SLIT2: variants seen among roughly 807,000 people sequenced by gnomAD.
The protein encoded by SLIT2 is slit homolog 2 protein.
In SLIT2, 41 loss-of-function variants were observed where a neutral mutation model predicts 185.7. The observed-to-expected ratio is 0.22, with a 90% CI of 0.17 to 0.29. The LOEUF (loss-of-function observed/expected upper bound fraction) is 0.29. Ranked by LOEUF, SLIT2 falls within the 10% of genes least tolerant of loss-of-function variation. The probability of loss-of-function intolerance (pLI) is 1.00; values close to 1 mark genes in which losing one functional copy is unlikely to be tolerated. For missense variants in SLIT2, 1,571 were observed against 1,909.0 expected, an observed-to-expected ratio of 0.82 and a Z score of 3.30; for synonymous variants, 693 against 680.2, an observed-to-expected ratio of 1.02 and a Z score of -0.29.
chr4:20,612,566 C>A (rs944100709), intron 34 of SLIT2, among the ~76,000 whole-genome samples: 1 of 152,016 alleles, frequency 6.6e-6, no homozygotes, highest in Non-Finnish European at 1.5e-5. Context: ...TGCTGTATGG[C>A]AAAGGCATGA....
At chr4:20,283,369 A>G (rs918393227) in intron 4 of SLIT2, among the ~76,000 whole-genome samples, 3 of 152,156 alleles carry the variant, frequency 2.0e-5, no homozygotes, top group African/African-American at 4.8e-5. Context: ...CTTTTATTTT[A>G]TGTACAATTT....
intron 33 of SLIT2, among the ~76,000 whole-genome samples, chr4:20,606,103 G>T (rs940242233): frequency 6.6e-6 from 1 of 152,234 alleles, no homozygotes; most frequent in South Asian, 2.1e-4. Flanking sequence ...ACATCCTCCA[G>T]TTTATCTCAT....
chr4:20,488,710 T>C, intron 7 of SLIT2, 109 bp from the exon 8 acceptor site: 1 of 720,952 alleles, frequency 1.4e-6, no homozygotes, highest in Non-Finnish European at 2.2e-6. Context: ...AATAATTATA[T>C]TGGAATCTGC....
chr4:20,505,775 A>G (rs1244589995), intron 9 of SLIT2, among the ~76,000 whole-genome samples: 2 of 151,998 alleles, frequency 1.3e-5, no homozygotes, highest in Admixed American at 6.6e-5. Context: ...ATATTTCACC[A>G]TTTTTTATTT....
intron 4 of SLIT2, among the ~76,000 whole-genome samples, chr4:20,343,247 A>G (rs770040275): frequency 6.6e-6 from 1 of 152,100 alleles, no homozygotes; most frequent in Non-Finnish European, 1.5e-5. Context: ...AGTCTCTGAT[A>G]TCTATCATTC....
At chr4:20,411,632 A>C (rs868014494) in intron 4 of SLIT2, among the ~76,000 whole-genome samples, 1 of 152,182 alleles carries the variant, frequency 6.6e-6, no homozygotes, top group East Asian at 1.9e-4. Flanking sequence ...TAGGTCACTT[A>C]CATATTAGTC....
intron 18 of SLIT2, among the ~76,000 whole-genome samples, chr4:20,537,390 T>C (rs1722394072): frequency 6.6e-6 from 1 of 152,144 alleles, no homozygotes; most frequent in South Asian, 2.1e-4. Context: ...GACCAAAATA[T>C]TGTTCTATGG....
chr4:20,537,659 GTTAGGT>G (rs1722416910), intron 18 of SLIT2, among the ~76,000 whole-genome samples: 1 of 152,054 alleles, frequency 6.6e-6, no homozygotes, highest in African/African-American at 2.4e-5. Context: ...CCTTAATCTA[GTTAGGT>G]TTCAACAAGC....
At chr4:20,421,721 A>C (rs1728186357) in intron 4 of SLIT2, among the ~76,000 whole-genome samples, 1 of 152,192 alleles carries the variant, frequency 6.6e-6, no homozygotes, top group Non-Finnish European at 1.5e-5. Flanking sequence ...GAGCAAGCTG[A>C]TAAGTCTTGC....
intron 4 of SLIT2, among the ~76,000 whole-genome samples, chr4:20,359,680 A>G (rs1174038917): frequency 6.6e-6 from 1 of 152,084 alleles, no homozygotes; most frequent in Non-Finnish European, 1.5e-5. Flanking sequence ...ATTTTGTTAT[A>G]CTTTAAAAAT....
Position 20,619,202 on chromosome 4 carries a change from C to T in SLIT2, c.*193C>T. 1.8e-6 allele frequency: 1 copy of T among 562,696 alleles called. No individual in the cohort carries two copies. The highest frequency in any genetic ancestry group is 3.0e-6 in the Non-Finnish European group (1 of 337,936). 34.9% of individuals were successfully genotyped at this position (562,696 alleles called of 1,614,324 possible). ...AAAGAAATGCTTGAACTAAAGCTTC[C>T]CCTATGCTGGAGAAGTATGAAGAAA... is the stretch of plus-strand genomic sequence containing the variant. On this transcript the variant is annotated 3_prime_UTR_variant, in exon 37 of 37. Coordinates refer to ENST00000504154, the MANE Select transcript of SLIT2 (RefSeq NM_004787.4).
At chr4:20,389,283 TATC>T (rs1219113655) in intron 4 of SLIT2, among the ~76,000 whole-genome samples, 1 of 152,028 alleles carries the variant, frequency 6.6e-6, no homozygotes, top group Non-Finnish European at 1.5e-5. Context: ...AGAACTAGCA[TATC>T]ATTATAAAAA....
chr4:20,496,377 A>T (rs186630786), intron 9 of SLIT2, among the ~76,000 whole-genome samples: 1 of 152,316 alleles, frequency 6.6e-6, no homozygotes, highest in African/African-American at 2.4e-5. Context: ...AATACTTGCA[A>T]TGTTGGATTG....
At chr4:20,608,070 A>C (rs1728925235) in intron 33 of SLIT2, among the ~76,000 whole-genome samples, 1 of 152,128 alleles carries the variant, frequency 6.6e-6, no homozygotes, top group Non-Finnish European at 1.5e-5. Flanking sequence ...AATGGTATTG[A>C]ATTATTTGTA....
chr4:20,459,924 C>G (rs1200423478), intron 4 of SLIT2, among the ~76,000 whole-genome samples: 1 of 147,904 alleles, frequency 6.8e-6, no homozygotes, highest in Non-Finnish European at 1.5e-5. Flanking sequence ...GGTGCAGTGG[C>G]ACAATTTTGG....
At position 20,445,837 on chromosome 4, in the gene SLIT2, C is replaced by T. The variant is rs568265887; in HGVS notation, c.396-21915C>T. Among the ~76,000 whole-genome samples the T allele has an allele frequency of 6.2e-4, 94 of 152,234 alleles. No individual in the cohort carries two copies. The South Asian group carries it at 0.015, about 24-fold the overall frequency. ...CCTCTGCAACTTTGGACAAATGAAGCGACTCTCTTAATTATGGTTTCCTTG... is the reference window on the plus strand; with the variant it reads ...CCTCTGCAACTTTGGACAAATGAAGTGACTCTCTTAATTATGGTTTCCTTG... On this transcript the variant is annotated intron_variant, in intron 4 of 36. Transcript: ENST00000504154.
rs747104238 is a variant in SLIT2, at chr4:20,253,788, C to T, written c.-28C>T. On this transcript the variant is annotated 5_prime_UTR_variant, in exon 1 of 37. Transcript: ENST00000504154. ...AGCAAGCTAAAGAAAGCCCCCAGTGCCGGCGAGGAAGGAGGCGGCGGGGAA... is the reference window on the plus strand; with the variant it reads ...AGCAAGCTAAAGAAAGCCCCCAGTGTCGGCGAGGAAGGAGGCGGCGGGGAA... The T allele has an allele frequency of 1.3e-6, 2 of 1,594,868 alleles. No homozygotes were observed. Among genetic ancestry groups the T allele is most frequent in the Non-Finnish European group, 1.7e-6 (2 of 1,177,460 alleles).
At chr4:20,387,797 T>C (rs1391800603) in intron 4 of SLIT2, among the ~76,000 whole-genome samples, 1 of 152,018 alleles carries the variant, frequency 6.6e-6, no homozygotes. Flanking sequence ...GCCAACAACC[T>C]GGATGGGCCT....
At position 20,566,032 on chromosome 4, in the gene SLIT2, A is replaced by G. The variant is rs915643457; in HGVS notation, c.2726-1230A>G. The stretch of plus-strand genomic sequence containing the variant: ...ATACATGAGTTTCTTTCAGTAGATC[A>G]ACAACGCAAGCGTGGGCTGTAATCT... On this transcript the variant is annotated intron_variant, in intron 26 of 36. Coordinates refer to ENST00000504154, the MANE Select transcript of SLIT2 (RefSeq NM_004787.4). Among the ~76,000 whole-genome samples the G allele has an allele frequency of 3.9e-5, 6 of 152,062 alleles. 1 individual carries two copies. The highest frequency in any genetic ancestry group is 8.8e-5 in the Non-Finnish European group (6 of 67,952).
Sources: allele counts gnomAD v4.1 joint callset (sites outside exome capture counted in the v4.1 genomes callset), GRCh38; gene constraint gnomAD v4.1.1; transcripts MANE v1.5; gene names NCBI Gene and HGNC (gene_info 2026-07-23, HGNC 2026-07-21).